The following PMEPA1 variants were observed in gnomAD, a reference collection of about 807,000 sequenced individuals.
PMEPA1 encodes prostate transmembrane protein, androgen induced 1, also known as protein TMEPAI.
A neutral mutation model predicts 23.0 loss-of-function variants in PMEPA1; 11 were observed. The ratio of observed to expected loss-of-function variants is 0.48; its 90% CI spans 0.30 to 0.79. PMEPA1 has a LOEUF of 0.79. PMEPA1 is among the 30% of genes least tolerant of loss of function. The probability of loss-of-function intolerance (pLI) is 0.06; values close to 1 mark genes in which losing one functional copy is unlikely to be tolerated. For missense variants in PMEPA1, 377 were observed against 390.9 expected (o/e 0.96, Z 0.30); for synonymous variants, 204 against 166.4 (o/e 1.23, Z -1.74).
rs561316732 is a variant in PMEPA1 at position 57,652,248 on chromosome 20, C to T, written c.669G>A (p.Gly223=). 2.0e-5 allele frequency: 32 copies of T among 1,607,320 alleles called. No homozygotes were observed. Among genetic ancestry groups the T allele is most frequent in the African/African-American group, 1.5e-4 (11 of 75,018 alleles). ...AGGTGGGCGGCGGCCCCTCCATGCG[C>T]CCGCCGCTGCCGTAGCACGTGGCGC... is the stretch of plus-strand genomic sequence containing the variant. ...GISATCYGSG[G]RMEGPPPTYS... The change falls in exon 4 of 4, where the codon GGG becomes GGA. Residue 223 remains glycine (G), a synonymous_variant. Coordinates refer to ENST00000341744, the MANE Select transcript of PMEPA1 (RefSeq NM_020182.5). This position sits in a 1 kb window ranked among gnomAD's most constrained non-coding sequence, Gnocchi z 6.1.
intron 2 of PMEPA1, among the ~76,000 whole-genome samples, chr20:57,657,807 C>A (rs898343363): frequency 3.9e-5 from 6 of 152,210 alleles, no homozygotes; most frequent in Admixed American, 3.3e-4. Flanking sequence ...GGCGCCACCA[C>A]CAACCCCAGG....
intron 1 of PMEPA1, among the ~76,000 whole-genome samples, chr20:57,694,086 T>C (rs925010774): frequency 5.9e-5 from 9 of 152,236 alleles, no homozygotes; most frequent in African/African-American, 1.9e-4. Flanking sequence ...GGGGGCAACA[T>C]GACCCTGTGA....
intron 1 of PMEPA1, among the ~76,000 whole-genome samples, chr20:57,674,311 G>A (rs757747872): frequency 2.0e-5 from 3 of 152,176 alleles, no homozygotes; most frequent in South Asian, 2.1e-4. Flanking sequence ...ATGTGAGGAC[G>A]CAGCCAGGAG....
chr20:57,679,517 G>A (rs116830895), intron 1 of PMEPA1, among the ~76,000 whole-genome samples: 272 of 152,370 alleles, frequency 1.8e-3, no homozygotes, highest in African/African-American at 6.1e-3. Flanking sequence ...TGCGGGAGCC[G>A]TGTCCAACAG....
intron 1 of PMEPA1, among the ~76,000 whole-genome samples, chr20:57,675,535 C>A (rs1030275362): frequency 6.6e-6 from 1 of 150,948 alleles, no homozygotes; most frequent in Non-Finnish European, 1.5e-5. Flanking sequence ...CCAGGAAGAC[C>A]CCTGGCCCAC....
In PMEPA1 at chr20:57,681,458, GT is replaced by G. The variant is rs372782018; in HGVS notation, c.110-21762del. Among the ~76,000 whole-genome samples, 290 of 152,336 alleles carry G rather than the reference GT, an allele frequency of 1.9e-3. 1 individual carries two copies. The highest frequency in any genetic ancestry group is 6.6e-3 in the African/African-American group (274 of 41,586). On this transcript the variant is annotated intron_variant, in intron 1 of 3. Coordinates refer to ENST00000341744, the MANE Select transcript of PMEPA1 (RefSeq NM_020182.5). ...TGACAGCGAGAGACCTCTCTAGGGT[GT>G]CCCCTGCCTGAGACGACCGTGAGGA...
chr20:57,656,982 C>T lies in PMEPA1; in HGVS notation c.264+2561G>A, dbSNP rs2071335255. The stretch of plus-strand genomic sequence containing the variant: ...ACATTCTGCTTTAGGCCTAGTGAGG[C>T]TCCACGTTTACCCAGCCAGGCATCC... On this transcript the variant is annotated intron_variant, in intron 2 of 3. Coordinates refer to ENST00000341744, the MANE Select transcript of PMEPA1 (RefSeq NM_020182.5). This position sits in a 1 kb window ranked among gnomAD's most constrained non-coding sequence, Gnocchi z 4.7. 6.6e-6 allele frequency among the ~76,000 whole-genome samples: 1 copy of T among 152,232 alleles called. No homozygotes were observed. Among genetic ancestry groups the T allele is most frequent in the African/African-American group, 2.4e-5 (1 of 41,464 alleles).
rs547600687 is a variant in PMEPA1, at chr20:57,680,072, A to G, written c.110-20375T>C. On this transcript the variant is annotated intron_variant, in intron 1 of 3. Coordinates refer to ENST00000341744, the MANE Select transcript of PMEPA1 (RefSeq NM_020182.5). ...AAGGTGAGCCTAGCTTGTGGCATGG[A>G]GTCTGGCTTGCACTGCAAGCCCCAG... Among the ~76,000 whole-genome samples, 4 of 152,290 alleles carry G rather than the reference A, an allele frequency of 2.6e-5. No homozygotes were observed. The South Asian group carries it at 8.3e-4, about 32-fold the overall frequency.
rs1002721980 is a variant in PMEPA1 at position 57,656,768 on chromosome 20, GCAAGAGGGGACC to G, written c.264+2763_264+2774del. Among the ~76,000 whole-genome samples, 5 of 152,206 alleles carry G rather than the reference GCAAGAGGGGACC, an allele frequency of 3.3e-5. 1 individual carries two copies. The highest frequency in any genetic ancestry group is 3.3e-4 in the Admixed American group (5 of 15,284). ...GGCACGAGCTCTTGTCTCCATACAGGCAAGAGGGGACCCCCAGGGTCACCCTGAAAAGGGGCC... is the reference window on the plus strand; with the variant it reads ...GGCACGAGCTCTTGTCTCCATACAGGCCCAGGGTCACCCTGAAAAGGGGCC... On this transcript the variant is annotated intron_variant, in intron 2 of 3. Transcript: ENST00000341744. The surrounding 1 kb of genome is among the most constrained non-coding windows in gnomAD (Gnocchi z 4.7).
intron 1 of PMEPA1, among the ~76,000 whole-genome samples, chr20:57,686,327 C>G (rs960435671): frequency 2.6e-5 from 4 of 152,228 alleles, no homozygotes; most frequent in Non-Finnish European, 5.9e-5. Context: ...GCCGGCCAAG[C>G]GGTCACTTCC....
At chr20:57,659,823 C>T (rs1476145635) in intron 1 of PMEPA1, 126 bp from the exon 2 acceptor site, 3 of 833,292 alleles carry the variant, frequency 3.6e-6, no homozygotes, top group Non-Finnish European at 5.6e-6. Flanking sequence ...TCAGGAAAGC[C>T]CCCGCCACTC....
chr20:57,661,039 G>A (rs1034926655), intron 1 of PMEPA1, among the ~76,000 whole-genome samples: 2 of 152,230 alleles, frequency 1.3e-5, no homozygotes, highest in Non-Finnish European at 2.9e-5. Context: ...CAGGACGGGG[G>A]TGTCAGGACC....
At chr20:57,668,128 C>T (rs1302401551) in intron 1 of PMEPA1, among the ~76,000 whole-genome samples, 14 of 152,132 alleles carry the variant, frequency 9.2e-5, no homozygotes, top group Admixed American at 3.9e-4. Context: ...ACCTGGCACC[C>T]GGACAGGTGA....
chr20:57,668,500 C>A (rs1024199481), intron 1 of PMEPA1, among the ~76,000 whole-genome samples: 1 of 152,246 alleles, frequency 6.6e-6, no homozygotes, highest in African/African-American at 2.4e-5. Flanking sequence ...GCTCCTCCTA[C>A]GCCTGTCCCC....
At chr20:57,665,826 C>A (rs760399667) in intron 1 of PMEPA1, among the ~76,000 whole-genome samples, 3 of 152,210 alleles carry the variant, frequency 2.0e-5, no homozygotes, top group Non-Finnish European at 4.4e-5. Context: ...GGCTAACATG[C>A]GCTGGATCCC....
chr20:57,672,508 G>C (rs1568972029), intron 1 of PMEPA1, among the ~76,000 whole-genome samples: 2 of 152,236 alleles, frequency 1.3e-5, no homozygotes. Flanking sequence ...CAATCCCCGG[G>C]GCCTCATTGA....
At chr20:57,695,823 C>G (rs1039164168) in intron 1 of PMEPA1, among the ~76,000 whole-genome samples, 3 of 152,164 alleles carry the variant, frequency 2.0e-5, no homozygotes, top group African/African-American at 7.2e-5. Context: ...CTGGAATTAC[C>G]TGGGGAGCTT....
chr20:57,695,234 G>A (rs1044791991), intron 1 of PMEPA1, among the ~76,000 whole-genome samples: 1 of 152,262 alleles, frequency 6.6e-6, no homozygotes, highest in Admixed American at 6.5e-5. Context: ...GCAGGCGGTG[G>A]CTCTGGGCTG....
At position 57,659,536 on chromosome 20, in the gene PMEPA1, C is replaced by T. The variant is rs1256754374; in HGVS notation, c.264+7G>A. ...TCAGGCCACAGATGGGATGGCGGGG[C>T]ACTTACTGAGGACAGGGCATCTTCT... On this transcript the variant is annotated splice_region_variant and intron_variant, in intron 2 of 3. Coordinates refer to ENST00000341744, the MANE Select transcript of PMEPA1 (RefSeq NM_020182.5). 6 of 1,612,952 alleles carry T rather than the reference C, an allele frequency of 3.7e-6. No homozygotes were observed. The highest frequency in any genetic ancestry group is 3.3e-5 in the Admixed American group (2 of 59,964).
Sources: allele counts gnomAD v4.1 joint callset (sites outside exome capture counted in the v4.1 genomes callset), GRCh38; gene constraint gnomAD v4.1.1; non-coding constraint Gnocchi (gnomAD v3.1); transcripts MANE v1.5; gene names NCBI Gene and HGNC (gene_info 2026-07-23, HGNC 2026-07-21).